SPIRE1: variants seen among roughly 807,000 people sequenced by gnomAD.
The protein encoded by SPIRE1 is protein spire homolog 1.
A neutral mutation model predicts 94.1 loss-of-function variants in SPIRE1; 40 were observed. That is an observed-to-expected ratio of 0.43 (90% CI 0.33 to 0.55). The LOEUF is 0.55. Ranked by LOEUF, SPIRE1 falls within the 20% of genes least tolerant of loss-of-function variation. The pLI is 0.06. For synonymous variants in SPIRE1, 376 were observed against 371.7 expected (o/e 1.01, Z -0.13); for missense variants, 838 against 975.2 (o/e 0.86, Z 1.87).
In SPIRE1 at chr18:12,463,456, C is replaced by T. The variant is rs1391016578; in HGVS notation, c.1533G>A (p.Gln511=). The part of the protein sequence containing the change: ...PKFLPISSTP[Q]PERRQPPQRR... Reference sequence around the variant, plus strand: ...TCTGGGGTGGCTGCCGTCTCTCTGGCTGGGGTGTTGATGATATGGGCAGGA... The same window carrying T: ...TCTGGGGTGGCTGCCGTCTCTCTGGTTGGGGTGTTGATGATATGGGCAGGA... Residue 511 remains glutamine, a synonymous_variant, in exon 12 of 17, where the codon CAG becomes CAA. Transcript: ENST00000409402. 1 of 1,613,668 alleles carries T rather than the reference C, an allele frequency of 6.2e-7. No individual in the cohort carries two copies. Among genetic ancestry groups the T allele is most frequent in the East Asian group, 2.2e-5 (1 of 44,890 alleles).
rs2031286525 is a variant in SPIRE1 at position 12,452,341 on chromosome 18, T to C, written c.1926A>G (p.Gly642=). ...PYSTLPIFSL[G]PSALQRGESS... ...TTTCCCCTCTTTGCAGAGCAGAAGG[T>C]CCCAATGAAAAGATAGGAAGAGTGG... The change falls in exon 16 of 17, where the codon GGA becomes GGG. Residue 642 remains glycine (G), a synonymous_variant. Transcript: ENST00000409402. 2 of 1,613,906 alleles carry C rather than the reference T, an allele frequency of 1.2e-6. No individual in the cohort carries two copies. The highest frequency in any genetic ancestry group is 1.3e-5 in the African/African-American group (1 of 74,844).
intron 8 of SPIRE1, among the ~76,000 whole-genome samples, chr18:12,488,944 C>T (rs1372284253): frequency 6.6e-6 from 1 of 152,024 alleles, no homozygotes; most frequent in African/African-American, 2.4e-5. Context: ...CCAGCACTTT[C>T]GGAGGCCGAG....
intron 1 of SPIRE1, among the ~76,000 whole-genome samples, chr18:12,644,988 G>A (rs1258113660): frequency 1.3e-5 from 2 of 152,030 alleles, no homozygotes; most frequent in South Asian, 4.1e-4. Flanking sequence ...ACATGTACAT[G>A]TAACCCCAGT....
intron 11 of SPIRE1, 53 bp downstream of exon 11, chr18:12,464,815 T>C: frequency 6.8e-7 from 1 of 1,468,474 alleles, no homozygotes; most frequent in African/African-American, 1.4e-5. Flanking sequence ...CTAGGTCAAG[T>C]GTGTTTTGTA....
At chr18:12,482,204 G>A (rs183604338) in intron 9 of SPIRE1, among the ~76,000 whole-genome samples, 6 of 152,204 alleles carry the variant, frequency 3.9e-5, no homozygotes, top group East Asian at 3.9e-4. Context: ...GTGCAGTGGC[G>A]CGATCTCAGC....
intron 10 of SPIRE1, among the ~76,000 whole-genome samples, chr18:12,467,375 C>A (rs1243294771): frequency 6.6e-6 from 1 of 152,180 alleles, no homozygotes; most frequent in Non-Finnish European, 1.5e-5. Flanking sequence ...GTAAGCAAAG[C>A]CTCTATCCCA....
chr18:12,479,431 A>T (rs2032757375), intron 10 of SPIRE1, among the ~76,000 whole-genome samples: 1 of 152,074 alleles, frequency 6.6e-6, no homozygotes, highest in Non-Finnish European at 1.5e-5. Flanking sequence ...GCCTTGGCCT[A>T]CCAAAGTGCT....
At position 12,485,131 on chromosome 18, in the gene SPIRE1, G is replaced by C. The variant is rs2032989855; in HGVS notation, c.1231+828C>G. On this transcript the variant is annotated intron_variant, in intron 9 of 16. Transcript: ENST00000409402. Reference sequence around the variant, plus strand: ...CTTTTTTTTTTTTTTTTGAGACTGAGTCTCGCTCTGTTGCCCAGGCTGATG... The same window carrying C: ...CTTTTTTTTTTTTTTTTGAGACTGACTCTCGCTCTGTTGCCCAGGCTGATG... Among the ~76,000 whole-genome samples the C allele has an allele frequency of 3.7e-5, 5 of 136,852 alleles. No individual in the cohort carries two copies. The South Asian group carries it at 1.1e-3, about 31-fold the overall frequency. The allele number at this position is 136,852 out of a possible 152,430, so 89.8% of individuals were successfully genotyped here. A position where few individuals can be genotyped will look rare whatever the true frequency, so the allele number is the denominator to read the frequency against.
chr18:12,649,590 T>C (rs2038320437), intron 1 of SPIRE1, among the ~76,000 whole-genome samples: 1 of 152,208 alleles, frequency 6.6e-6, no homozygotes, highest in Non-Finnish European at 1.5e-5. Context: ...TGAGAACTGC[T>C]GTTATTTTAT....
chr18:12,524,936 C>G lies in SPIRE1; in HGVS notation c.729+10540G>C, dbSNP rs184933705. 2.5e-3 allele frequency among the ~76,000 whole-genome samples: 373 copies of G among 151,992 alleles called. 4 individuals are homozygous for G. The highest frequency in any genetic ancestry group is 8.7e-3 in the African/African-American group (360 of 41,448). ...AAAGAGCTATGATCACCCCACTACACTCCAGCCTGGGCAGCAGAGTGAGAC... is the reference window on the plus strand; with the variant it reads ...AAAGAGCTATGATCACCCCACTACAGTCCAGCCTGGGCAGCAGAGTGAGAC... On this transcript the variant is annotated intron_variant, in intron 4 of 16. Coordinates refer to ENST00000409402, the MANE Select transcript of SPIRE1 (RefSeq NM_001128626.2).
In SPIRE1 at chr18:12,479,857, C is replaced by T; in HGVS notation, c.1246G>A (p.Glu416Lys). The change falls in exon 10 of 17, where the codon GAA becomes AAA. Residue 416 changes from glutamate to lysine, a missense_variant. Around this residue, in one of 2 missense-constraint regions of SPIRE1, gnomAD observed 645 missense variants for 804.7 expected, o/e 0.80. Transcript: ENST00000409402. ...SFDLSDVTTPESTKNLVESSM... is the reference protein window; with the variant it reads ...SFDLSDVTTPKSTKNLVESSM... ...GACTCCACAAGATTCTTTGTAGATT[C>T]AGGGGTAGTCACATCTGGTAAAAAA... 1 of 1,612,844 alleles carries T rather than the reference C, an allele frequency of 6.2e-7. No individual in the cohort carries two copies. Among genetic ancestry groups the T allele is most frequent in the South Asian group, 1.1e-5 (1 of 90,752 alleles).
intron 2 of SPIRE1, among the ~76,000 whole-genome samples, chr18:12,625,245 T>C (rs1159813657): frequency 6.6e-6 from 1 of 152,200 alleles, no homozygotes; most frequent in African/African-American, 2.4e-5. Context: ...CAATTTCCTC[T>C]GAGGACGTAC....
At chr18:12,596,383 C>T (rs551512344) in intron 2 of SPIRE1, among the ~76,000 whole-genome samples, 10 of 152,240 alleles carry the variant, frequency 6.6e-5, no homozygotes, top group African/African-American at 2.2e-4. Context: ...TTTTCTTTTT[C>T]ACCATTCTAG....
chr18:12,633,970 C>T (rs569866930), intron 2 of SPIRE1, among the ~76,000 whole-genome samples: 2 of 152,266 alleles, frequency 1.3e-5, no homozygotes, highest in Admixed American at 1.3e-4. Context: ...TAAACCAGGC[C>T]AGGCACAGTG....
At chr18:12,652,559 C>T (rs1461446519) in intron 1 of SPIRE1, among the ~76,000 whole-genome samples, 2 of 152,186 alleles carry the variant, frequency 1.3e-5, no homozygotes, top group African/African-American at 4.8e-5. Flanking sequence ...TTCAAGAGAT[C>T]CTCTAAAGAG....
intron 2 of SPIRE1, among the ~76,000 whole-genome samples, chr18:12,618,893 T>C (rs1034251529): frequency 1.4e-4 from 18 of 128,510 alleles, no homozygotes; most frequent in Admixed American, 3.7e-4. Context: ...AACAATTTTT[T>C]TCCCCCCCAA....
intron 2 of SPIRE1, among the ~76,000 whole-genome samples, chr18:12,596,467 C>T (rs563856232): frequency 2.6e-5 from 4 of 152,028 alleles, no homozygotes; most frequent in South Asian, 4.1e-4. Flanking sequence ...AGTACTTAAA[C>T]CTCTATTATA....
Position 12,448,372 on chromosome 18 carries a change from T to C in SPIRE1, c.*1266A>G, listed in dbSNP as rs2031047537. ...TTATTGTGCATGTGCATTAACAGAT[T>C]TTCCAAACATTAATGACAATTTGAT... is the stretch of plus-strand genomic sequence containing the variant. On this transcript the variant is annotated 3_prime_UTR_variant, in exon 17 of 17. Coordinates refer to ENST00000409402, the MANE Select transcript of SPIRE1 (RefSeq NM_001128626.2). The surrounding 1 kb of genome is among the most constrained non-coding windows in gnomAD (Gnocchi z 4.4). 6.6e-6 allele frequency: 1 copy of C among 152,582 alleles called. No homozygotes were observed. Among genetic ancestry groups the C allele is most frequent in the Non-Finnish European group, 1.5e-5 (1 of 68,030 alleles). 9.5% of individuals were successfully genotyped at this position (152,582 alleles called of 1,614,324 possible).
At chr18:12,606,610 A>C (rs1286672954) in intron 2 of SPIRE1, among the ~76,000 whole-genome samples, 1 of 151,202 alleles carries the variant, frequency 6.6e-6, no homozygotes, top group East Asian at 1.9e-4. Flanking sequence ...GGCTCACTGC[A>C]ACCTCCACCT....
Sources: allele counts gnomAD v4.1 joint callset (sites outside exome capture counted in the v4.1 genomes callset), GRCh38; gene constraint gnomAD v4.1.1; regional missense constraint gnomAD v4.1.1; non-coding constraint Gnocchi (gnomAD v3.1); transcripts MANE v1.5; gene names NCBI Gene and HGNC (gene_info 2026-07-23, HGNC 2026-07-21).